Variants in BMPR1A observed in about 807,000 individuals in gnomAD.
BMPR1A encodes the protein bone morphogenetic protein receptor type 1A.
Under a neutral mutation model 66.0 loss-of-function variants are expected in BMPR1A, and 7 were observed. That is an observed-to-expected ratio of 0.11 (90% CI 0.06 to 0.20). BMPR1A has a LOEUF of 0.20. Ranked by LOEUF, BMPR1A falls within the 10% of genes least tolerant of loss-of-function variation. The probability of loss-of-function intolerance (pLI) is 1.00; values close to 1 mark genes in which losing one functional copy is unlikely to be tolerated. For missense variants in BMPR1A, 408 were observed against 669.1 expected, an observed-to-expected ratio of 0.61 and a Z score of 4.31; for synonymous variants, 200 against 229.7, an observed-to-expected ratio of 0.87 and a Z score of 1.17.
intron 1 of BMPR1A, among the ~76,000 whole-genome samples, chr10:86,782,345 A>G (rs539207979): frequency 1.3e-3 from 194 of 152,294 alleles, no homozygotes; most frequent in African/African-American, 4.4e-3. Context: ...TTAGATATAT[A>G]CTGAGAAGTG....
intron 1 of BMPR1A, among the ~76,000 whole-genome samples, chr10:86,824,105 G>GTGTGTGTGTTTGTGTGTGTGTGTGTT (rs150991310): frequency 1.6e-4 from 23 of 147,278 alleles, no homozygotes; most frequent in African/African-American, 4.2e-4. Flanking sequence ...GTGTGTGTGT[G>GTGTGTGTGTTTGTGTGTGTGTGTGTT]TGTGTGTTTC....
intron 1 of BMPR1A, among the ~76,000 whole-genome samples, chr10:86,781,819 C>T (rs1172844618): frequency 2.0e-5 from 3 of 151,480 alleles, no homozygotes; most frequent in Non-Finnish European, 4.4e-5. Context: ...GCATAAAGTC[C>T]CCATGGTTCA....
intron 7 of BMPR1A, among the ~76,000 whole-genome samples, chr10:86,904,532 A>G (rs1843357412): frequency 6.6e-6 from 1 of 152,222 alleles, no homozygotes; most frequent in Non-Finnish European, 1.5e-5. Context: ...TAATGTGAAG[A>G]TTTCCAGTCA....
At chr10:86,792,217 G>T (rs1841638246) in intron 1 of BMPR1A, among the ~76,000 whole-genome samples, 1 of 151,658 alleles carries the variant, frequency 6.6e-6, no homozygotes. Context: ...ACGGGCACAC[G>T]CCACCATGCC....
intron 1 of BMPR1A, among the ~76,000 whole-genome samples, chr10:86,835,906 T>C (rs1235485436): frequency 6.6e-6 from 1 of 152,206 alleles, no homozygotes; most frequent in East Asian, 1.9e-4. Flanking sequence ...TAATTATTAA[T>C]GTTGAAGAAA....
At chr10:86,760,194 T>G (rs1441174034) in intron 1 of BMPR1A, among the ~76,000 whole-genome samples, 1 of 148,828 alleles carries the variant, frequency 6.7e-6, no homozygotes, top group African/African-American at 2.5e-5. Flanking sequence ...ACCTGTTTTT[T>G]TTTTTTTTTT....
chr10:86,785,963 C>T (rs542623556), intron 1 of BMPR1A, among the ~76,000 whole-genome samples: 2 of 152,284 alleles, frequency 1.3e-5, no homozygotes, highest in African/African-American at 4.8e-5. Flanking sequence ...ATCATTTAGA[C>T]CTGCTCCTTC....
At chr10:86,847,726 A>C (rs1216462244) in intron 2 of BMPR1A, among the ~76,000 whole-genome samples, 1 of 151,558 alleles carries the variant, frequency 6.6e-6, no homozygotes, top group East Asian at 1.9e-4. Context: ...GCCTATTAAT[A>C]AGTTCCTATA....
chr10:86,826,965 T>C (rs1842204154), intron 1 of BMPR1A, among the ~76,000 whole-genome samples: 1 of 149,724 alleles, frequency 6.7e-6, no homozygotes, highest in Non-Finnish European at 1.5e-5. Context: ...TTTAGATAGG[T>C]TTAATCTTAC....
Position 86,907,753 on chromosome 10 carries a change from G to A in BMPR1A, c.531-4487G>A, listed in dbSNP as rs1394013888. On this transcript the variant is annotated intron_variant, in intron 7 of 12. Coordinates refer to ENST00000372037, the MANE Select transcript of BMPR1A (RefSeq NM_004329.3). ...TACATGTTCTCAATCATACGTGGGA[G>A]CTAAAAAGGTTGATTTCATAGAGGT... Among the ~76,000 whole-genome samples the A allele has an allele frequency of 2.0e-5, 3 of 152,208 alleles. No individual in the cohort carries two copies. The East Asian group carries it at 5.8e-4, about 29-fold the overall frequency.
intron 1 of BMPR1A, among the ~76,000 whole-genome samples, chr10:86,781,674 C>T (rs1446535592): frequency 6.6e-6 from 1 of 152,018 alleles, no homozygotes; most frequent in Non-Finnish European, 1.5e-5. Flanking sequence ...CTCCCTATTT[C>T]CCTCTCCCTT....
intron 7 of BMPR1A, among the ~76,000 whole-genome samples, chr10:86,909,622 G>T (rs1327639204): frequency 6.6e-6 from 1 of 151,592 alleles, no homozygotes; most frequent in Non-Finnish European, 1.5e-5. Flanking sequence ...AAAGAATTAG[G>T]TAAATATTAA....
At chr10:86,793,865 G>T (rs1267248992) in intron 1 of BMPR1A, among the ~76,000 whole-genome samples, 2 of 152,132 alleles carry the variant, frequency 1.3e-5, no homozygotes, top group Non-Finnish European at 1.5e-5. Context: ...AAGTTCTAAG[G>T]AAGTATGGAT....
intron 1 of BMPR1A, among the ~76,000 whole-genome samples, chr10:86,835,628 A>C (rs1016631594): frequency 6.8e-6 from 1 of 147,458 alleles, no homozygotes; most frequent in Non-Finnish European, 1.5e-5. Context: ...TATTTACACT[A>C]TTCTTTTCTG....
chr10:86,858,177 G>A (rs1025304411), intron 2 of BMPR1A, among the ~76,000 whole-genome samples: 8 of 152,124 alleles, frequency 5.3e-5, no homozygotes, highest in Non-Finnish European at 7.4e-5. Flanking sequence ...ACTAGATGAA[G>A]CAAAAGCACT....
intron 2 of BMPR1A, among the ~76,000 whole-genome samples, chr10:86,865,811 C>A (rs534694803): frequency 2.0e-5 from 3 of 152,198 alleles, no homozygotes; most frequent in Non-Finnish European, 4.4e-5. Context: ...AGACATTATT[C>A]CAACCAAAAA....
intron 1 of BMPR1A, among the ~76,000 whole-genome samples, chr10:86,784,164 TC>T (rs1306803666): frequency 1.1e-4 from 16 of 152,182 alleles, no homozygotes; most frequent in African/African-American, 1.9e-4. Context: ...AGAGTGGACT[TC>T]CTAGTCTTGT....
At chr10:86,808,984 T>C (rs2132921678) in intron 1 of BMPR1A, among the ~76,000 whole-genome samples, 1 of 152,304 alleles carries the variant, frequency 6.6e-6, no homozygotes, top group Admixed American at 6.5e-5. Context: ...TAATCCTGTC[T>C]TGGAACAAAA....
intron 5 of BMPR1A, among the ~76,000 whole-genome samples, chr10:86,895,409 G>A (rs1162342303): frequency 2.6e-5 from 4 of 151,838 alleles, no homozygotes; most frequent in Admixed American, 6.6e-5. Flanking sequence ...GTGGTGGTGC[G>A]TGCCTTTAAT....
Sources: allele counts gnomAD v4.1 joint callset (sites outside exome capture counted in the v4.1 genomes callset), GRCh38; gene constraint gnomAD v4.1.1; transcripts MANE v1.5; gene names NCBI Gene and HGNC (gene_info 2026-07-23, HGNC 2026-07-21).